MYH10: variants seen among roughly 807,000 people sequenced by gnomAD.
MYH10 encodes myosin-10.
In MYH10, 55 loss-of-function variants were observed where a neutral mutation model predicts 257.8. The observed-to-expected ratio is 0.21, with a 90% confidence interval of 0.17 to 0.27. The LOEUF is 0.27. Among genes scored for constraint, MYH10 ranks in the 10% least tolerant of loss-of-function variants. MYH10 has a pLI of 1.00. For synonymous variants in MYH10, 854 were observed against 921.7 expected (o/e 0.93, Z 1.33); for missense variants, 1,631 against 2,500.6 (o/e 0.65, Z 7.42).
rs1446286092 is a variant in MYH10 at position 8,545,410 on chromosome 17, A to G, written c.1431+38T>C. ...TTCATATTTGTTAAAAGAACAAACA[A>G]AAAGAAGGACGAGCTAGAGGAAGAG... On this transcript the variant is annotated intron_variant, in intron 13 of 42. Coordinates refer to ENST00000360416, the MANE Select transcript of MYH10 (RefSeq NM_001256012.3). The surrounding 1 kb of genome is among the most constrained non-coding windows in gnomAD (Gnocchi z 4.7). The G allele has an allele frequency of 6.2e-7, 1 of 1,606,976 alleles. No homozygotes were observed.
intron 3 of MYH10, among the ~76,000 whole-genome samples, chr17:8,589,900 T>C (rs987148324): frequency 3.9e-5 from 6 of 152,182 alleles, no homozygotes; most frequent in African/African-American, 1.4e-4. Context: ...GATGAGAAAA[T>C]GTTCCTCAGG....
intron 7 of MYH10, chr17:8,560,671 C>G (rs753571091): frequency 1.2e-5 from 9 of 747,724 alleles, no homozygotes; most frequent in Non-Finnish European, 1.8e-5. Flanking sequence ...TGCCAGAGTG[C>G]TGACTTCACA....
chr17:8,493,966 G>A (rs907109913), intron 31 of MYH10, 81 bp from the exon 32 acceptor site: 37 of 1,459,042 alleles, frequency 2.5e-5, no homozygotes, highest in South Asian at 1.5e-4. Flanking sequence ...AATTCATGTC[G>A]TACAAAAGAG....
intron 7 of MYH10, chr17:8,561,464 T>C: frequency 7.8e-7 from 1 of 1,278,530 alleles, no homozygotes; most frequent in Non-Finnish European, 1.1e-6. Context: ...AGTTGTGCAA[T>C]TCACAGCAAA....
At chr17:8,495,334 C>T (rs1283239897) in intron 30 of MYH10, 93 bp from the exon 31 acceptor site, 15 of 777,616 alleles carry the variant, frequency 1.9e-5, no homozygotes, top group East Asian at 1.0e-4. Flanking sequence ...GAGAAGAACT[C>T]GGCGGGAGTG....
At chr17:8,513,742 T>C in intron 22 of MYH10, 44 bp downstream of exon 22, 3 of 1,611,582 alleles carry the variant, frequency 1.9e-6, no homozygotes, top group Non-Finnish European at 1.7e-6. Flanking sequence ...CTGATCAGAC[T>C]CTGCTATTTG....
At chr17:8,553,909 C>G in intron 8 of MYH10, 46 bp downstream of exon 8, 1 of 1,512,716 alleles carries the variant, frequency 6.6e-7, no homozygotes, top group East Asian at 2.3e-5. Flanking sequence ...TGTAGGAAGA[C>G]TAAATCCTTC....
chr17:8,545,842 G>A lies in MYH10; in HGVS notation c.1279-242C>T, dbSNP rs920286702. ...AATAAAAATAAGCTCCTCCCCATGC[G>A]CCTGGGTCCTGGGTAGCACTGTCCG... On this transcript the variant is annotated intron_variant, in intron 12 of 42. Transcript: ENST00000360416. This position sits in a 1 kb window ranked among gnomAD's most constrained non-coding sequence, Gnocchi z 4.7. 3.9e-5 allele frequency among the ~76,000 whole-genome samples: 6 copies of A among 152,010 alleles called. No homozygotes were observed. The highest frequency in any genetic ancestry group is 1.3e-4 in the Admixed American group (2 of 15,248).
intron 17 of MYH10, among the ~76,000 whole-genome samples, chr17:8,527,990 T>C (rs984470874): frequency 1.3e-5 from 2 of 152,232 alleles, no homozygotes; most frequent in African/African-American, 4.8e-5. Flanking sequence ...GAGGTTATGA[T>C]CAATGGATGT....
intron 28 of MYH10, among the ~76,000 whole-genome samples, chr17:8,501,749 G>A (rs8078673): frequency 6.6e-6 from 1 of 152,234 alleles, no homozygotes. Context: ...TCTATGGCCA[G>A]AGAATTGGAA....
intron 36 of MYH10, among the ~76,000 whole-genome samples, chr17:8,484,642 A>AGC (rs1026708291): frequency 1.1e-4 from 17 of 152,374 alleles, no homozygotes; most frequent in African/African-American, 4.1e-4. Context: ...ACCATGACCA[A>AGC]GCAGGATCTA....
At chr17:8,554,557 A>T (rs944536784) in intron 7 of MYH10, among the ~76,000 whole-genome samples, 1 of 152,210 alleles carries the variant, frequency 6.6e-6, no homozygotes, top group African/African-American at 2.4e-5. Flanking sequence ...TTTCTTTACT[A>T]TACATAACTG....
chr17:8,619,681 T>A (rs1184184567), intron 2 of MYH10, among the ~76,000 whole-genome samples: 1 of 152,022 alleles, frequency 6.6e-6, no homozygotes, highest in African/African-American at 2.4e-5. Flanking sequence ...CACAGCACTC[T>A]GGGAGGCCAA....
At chr17:8,570,129 G>A (rs754308399) in intron 6 of MYH10, among the ~76,000 whole-genome samples, 1 of 152,204 alleles carries the variant, frequency 6.6e-6, no homozygotes, top group Non-Finnish European at 1.5e-5. Context: ...TGGCTTTCAT[G>A]AAATGAAATT....
intron 35 of MYH10, among the ~76,000 whole-genome samples, chr17:8,487,969 A>G (rs1307604086): frequency 6.6e-6 from 1 of 152,192 alleles, no homozygotes; most frequent in Non-Finnish European, 1.5e-5. Flanking sequence ...TAAGAGGTAC[A>G]GAGGACTAAG....
Position 8,552,996 on chromosome 17 carries a change from C to CGT in MYH10, c.821-854_821-853dup, listed in dbSNP as rs1187498051. Among the ~76,000 whole-genome samples, 1 of 152,186 alleles carries CGT rather than the reference C, an allele frequency of 6.6e-6. No homozygotes were observed. The highest frequency in any genetic ancestry group is 1.5e-5 in the Non-Finnish European group (1 of 68,036). On this transcript the variant is annotated intron_variant, in intron 8 of 42. Coordinates refer to ENST00000360416, the MANE Select transcript of MYH10 (RefSeq NM_001256012.3). This position sits in a 1 kb window ranked among gnomAD's most constrained non-coding sequence, Gnocchi z 4.8. ...ACAGTCACACCGGCATCTCAGAGAA[C>CGT]GTGTATCACAGCTTTGGAAGATGTT...
At position 8,573,015 on chromosome 17, in the gene MYH10, C is replaced by A. The variant is rs1376920082; in HGVS notation, c.664-3203G>T. On this transcript the variant is annotated intron_variant, in intron 6 of 42. Transcript: ENST00000360416. Reference sequence around the variant, plus strand: ...CCTCTAGAATTGGATGGGCAATGTCCCTTGTTTCTATTCTATAATGTTATT... The same window carrying A: ...CCTCTAGAATTGGATGGGCAATGTCACTTGTTTCTATTCTATAATGTTATT... Among the ~76,000 whole-genome samples, 5 of 152,230 alleles carry A rather than the reference C, an allele frequency of 3.3e-5. No individual in the cohort carries two copies. The East Asian group carries it at 9.7e-4, about 29-fold the overall frequency.
At chr17:8,558,632 C>T (rs373655367) in intron 7 of MYH10, among the ~76,000 whole-genome samples, 3 of 152,172 alleles carry the variant, frequency 2.0e-5, no homozygotes, top group East Asian at 1.9e-4. Flanking sequence ...AATAGCTATT[C>T]GAGATAGCAA....
At chr17:8,487,627 A>G in intron 35 of MYH10, 33 bp from the exon 36 acceptor site, 2 of 1,612,800 alleles carry the variant, frequency 1.2e-6, no homozygotes, top group Non-Finnish European at 1.7e-6. Context: ...GCTGGGTTAC[A>G]TCCAAGTATC....
Sources: allele counts gnomAD v4.1 joint callset (sites outside exome capture counted in the v4.1 genomes callset), GRCh38; gene constraint gnomAD v4.1.1; non-coding constraint Gnocchi (gnomAD v3.1); transcripts MANE v1.5; gene names NCBI Gene and HGNC (gene_info 2026-07-23, HGNC 2026-07-21).